GASK1A: variants seen among roughly 807,000 people sequenced by gnomAD.
The protein encoded by GASK1A is golgi associated kinase 1A.
GASK1A carries 40 observed loss-of-function variants against 41.2 expected under a neutral mutation model. The ratio of observed to expected loss-of-function variants is 0.97; its 90% confidence interval spans 0.75 to 1.27. The LOEUF (loss-of-function observed/expected upper bound fraction) is 1.27, where lower values mean the gene tolerates loss of function less well. Among genes scored for constraint, GASK1A ranks in the 50% most tolerant of loss-of-function variants. The pLI is 0.00. For synonymous variants in GASK1A, 316 were observed against 307.1 expected, an observed-to-expected ratio of 1.03 and a Z score of -0.30; for missense variants, 678 against 745.1, an observed-to-expected ratio of 0.91 and a Z score of 1.05.
intron 2 of GASK1A, among the ~76,000 whole-genome samples, chr3:43,042,729 C>G (rs576163309): frequency 6.6e-6 from 1 of 152,216 alleles, no homozygotes; most frequent in Admixed American, 6.5e-5. Context: ...TTAGGAGGCT[C>G]CACAGATGGT....
intron 1 of GASK1A, among the ~76,000 whole-genome samples, chr3:42,983,585 G>A (rs2089292394): frequency 6.6e-6 from 1 of 152,200 alleles, no homozygotes; most frequent in Non-Finnish European, 1.5e-5. Flanking sequence ...AACAGCCGCA[G>A]GTCCTTGGAA....
chr3:43,044,796 A>T (rs988626950), intron 2 of GASK1A, among the ~76,000 whole-genome samples: 2 of 152,178 alleles, frequency 1.3e-5, no homozygotes, highest in African/African-American at 4.8e-5. Flanking sequence ...ATGAAATTCA[A>T]TTTCAGTGCA....
At chr3:42,981,939 C>T (rs2089284688) in intron 1 of GASK1A, among the ~76,000 whole-genome samples, 1 of 151,986 alleles carries the variant, frequency 6.6e-6, no homozygotes, top group Non-Finnish European at 1.5e-5. Context: ...AATACGGTAT[C>T]CTTTATTCAG....
At position 43,056,751 on chromosome 3, in the gene GASK1A, C is replaced by T. The variant is rs1396276470; in HGVS notation, c.*365C>T. The stretch of plus-strand genomic sequence containing the variant: ...ATGTGTGCCCGCCTGCATGCAATAC[C>T]TGAGACCAACCTAATAAAGGTACAA... On this transcript the variant is annotated 3_prime_UTR_variant, in exon 5 of 5. Transcript: ENST00000430121. The T allele has an allele frequency of 1.2e-5, 2 of 165,508 alleles. No homozygotes were observed. The highest frequency in any genetic ancestry group is 1.7e-4 in the East Asian group (1 of 5,970). 10.3% of individuals were successfully genotyped at this position (165,508 alleles called of 1,614,324 possible). A position where few individuals can be genotyped will look rare whatever the true frequency, so the allele number is the denominator to read the frequency against.
chr3:42,986,139 C>T (rs1464868724), intron 1 of GASK1A, among the ~76,000 whole-genome samples: 1 of 152,210 alleles, frequency 6.6e-6, no homozygotes, highest in Admixed American at 6.5e-5. Flanking sequence ...GACTACTCCT[C>T]AGCAATAGAA....
chr3:42,987,520 C>T (rs1441076235), intron 1 of GASK1A, among the ~76,000 whole-genome samples: 1 of 152,104 alleles, frequency 6.6e-6, no homozygotes, highest in Admixed American at 6.5e-5. Flanking sequence ...TGAAGAGAAA[C>T]CTCATCATAT....
intron 1 of GASK1A, among the ~76,000 whole-genome samples, chr3:42,980,943 G>A (rs148199384): frequency 6.6e-6 from 1 of 152,292 alleles, no homozygotes; most frequent in African/African-American, 2.4e-5. Context: ...CATCCACTCC[G>A]AGGGGCATTA....
intron 2 of GASK1A, among the ~76,000 whole-genome samples, chr3:43,045,266 C>T (rs1000616613): frequency 3.9e-5 from 6 of 152,146 alleles, no homozygotes; most frequent in Non-Finnish European, 5.9e-5. Flanking sequence ...GGTTTTATGC[C>T]CTGAGCTTAG....
rs77713573 is a variant in GASK1A, at chr3:42,994,778, C to G, written c.3+15133C>G. ...GGAAGGCAGCAGCCCCGATGCATAT[C>G]ATTTCCCCCGACAGCATCCACCACA... On this transcript the variant is annotated intron_variant, in intron 1 of 4. Transcript: ENST00000430121. Among the ~76,000 whole-genome samples the G allele has an allele frequency of 8.4e-3, 1,270 of 151,952 alleles. 8 individuals carry two copies. Among genetic ancestry groups the G allele is most frequent in the Non-Finnish European group, 0.014 (934 of 67,950 alleles).
chr3:42,989,260 G>A (rs1288493665), intron 1 of GASK1A, among the ~76,000 whole-genome samples: 1 of 152,136 alleles, frequency 6.6e-6, no homozygotes, highest in Non-Finnish European at 1.5e-5. Flanking sequence ...TACAGAGCCT[G>A]GGAAAAGGTG....
Position 43,021,814 on chromosome 3 carries a change from C to G in GASK1A, c.4-10453C>G, listed in dbSNP as rs560532279. Among the ~76,000 whole-genome samples the G allele has an allele frequency of 5.3e-5, 8 of 152,292 alleles. No homozygotes were observed. In the South Asian group the frequency reaches 1.7e-3, roughly 32 times the overall value. On this transcript the variant is annotated intron_variant, in intron 1 of 4. Transcript: ENST00000430121. ...TGTGTGTCTATTTCTCTAGCTACCC[C>G]CCTGTTTTCACTGCTCCTTCTCCGC...
chr3:42,980,942 C>T (rs893837260), intron 1 of GASK1A, among the ~76,000 whole-genome samples: 2 of 152,140 alleles, frequency 1.3e-5, no homozygotes, highest in African/African-American at 2.4e-5. Flanking sequence ...CCATCCACTC[C>T]GAGGGGCATT....
At chr3:43,016,576 A>ACAGGAAGGGGCTGTGTGAGGTCC (rs1011875275) in intron 1 of GASK1A, among the ~76,000 whole-genome samples, 1 of 151,752 alleles carries the variant, frequency 6.6e-6, no homozygotes. Context: ...GTGAGAGTTC[A>ACAGGAAGGGGCTGTGTGAGGTCC]CAGGAAGGGG....
At chr3:43,049,104 G>T (rs895145323) in intron 2 of GASK1A, among the ~76,000 whole-genome samples, 15 of 152,308 alleles carry the variant, frequency 9.8e-5, no homozygotes, top group African/African-American at 3.4e-4. Flanking sequence ...GGCTGGGTGT[G>T]CAGGGTACTT....
At chr3:43,047,247 C>A (rs1426783468) in intron 2 of GASK1A, among the ~76,000 whole-genome samples, 4 of 152,354 alleles carry the variant, frequency 2.6e-5, no homozygotes, top group Admixed American at 1.3e-4. Flanking sequence ...GGTCTCTATC[C>A]TGCAAAGCTA....
intron 1 of GASK1A, among the ~76,000 whole-genome samples, chr3:43,031,191 A>G (rs1389293301): frequency 6.6e-6 from 1 of 152,190 alleles, no homozygotes; most frequent in Admixed American, 6.5e-5. Flanking sequence ...TCAGTCACGT[A>G]TCTGTTGATT....
At chr3:42,983,013 C>T (rs1372038272) in intron 1 of GASK1A, among the ~76,000 whole-genome samples, 1 of 152,120 alleles carries the variant, frequency 6.6e-6, no homozygotes, top group Non-Finnish European at 1.5e-5. Context: ...GGCTAGGGCC[C>T]GGGTCTCCTA....
intron 1 of GASK1A, among the ~76,000 whole-genome samples, chr3:43,010,937 A>G (rs1375155408): frequency 3.3e-5 from 5 of 152,184 alleles, no homozygotes; most frequent in African/African-American, 9.7e-5. Flanking sequence ...AGGAATTTCA[A>G]ATTGCACCCT....
intron 1 of GASK1A, among the ~76,000 whole-genome samples, chr3:42,998,739 C>T (rs1174551006): frequency 3.3e-5 from 5 of 152,262 alleles, no homozygotes; most frequent in East Asian, 1.9e-4. Context: ...TGCTTACTCC[C>T]GCTCCCTGTG....
Sources: gnomAD v4.1 joint callset for allele counts (sites outside exome capture counted in the v4.1 genomes callset) on GRCh38, gnomAD v4.1.1 for gene constraint, MANE v1.5 for transcripts, NCBI Gene and HGNC (gene_info 2026-07-23, HGNC 2026-07-21) for gene names.